The following OSBPL8 variants were observed in gnomAD, a reference collection of about 807,000 sequenced individuals.
OSBPL8 encodes oxysterol-binding protein-related protein 8.
In OSBPL8, 59 loss-of-function variants were observed where a neutral mutation model predicts 125.5. That is an observed-to-expected ratio of 0.47 (90% CI 0.38 to 0.58). OSBPL8 has a LOEUF of 0.58. Among genes scored for constraint, OSBPL8 ranks in the 20% least tolerant of loss-of-function variants. OSBPL8 has a pLI of 0.00. For missense variants in OSBPL8, 758 were observed against 1,047.8 expected (o/e 0.72, Z 3.82); for synonymous variants, 330 against 338.9 (o/e 0.97, Z 0.29).
At chr12:76,508,772 C>CAGCTTTG in intron 1 of OSBPL8, among the ~76,000 whole-genome samples, 1 of 152,158 alleles carries the variant, frequency 6.6e-6, no homozygotes, top group Non-Finnish European at 1.5e-5. Context: ...TTTACAAATG[C>CAGCTTTG]CACGGCAACA....
At chr12:76,557,380 G>T (rs1047748820) in intron 1 of OSBPL8, among the ~76,000 whole-genome samples, 9 of 152,126 alleles carry the variant, frequency 5.9e-5, no homozygotes, top group African/African-American at 2.2e-4. Flanking sequence ...ACTTTGGGAG[G>T]CTGAGGCGGG....
chr12:76,530,946 A>G (rs1382749625), intron 1 of OSBPL8, among the ~76,000 whole-genome samples: 1 of 152,246 alleles, frequency 6.6e-6, no homozygotes, highest in African/African-American at 2.4e-5. Flanking sequence ...CCAACTATAG[A>G]CATAATAAAT....
chr12:76,357,855 G>GTT (rs888289631), intron 22 of OSBPL8, among the ~76,000 whole-genome samples: 28 of 142,704 alleles, frequency 2.0e-4, no homozygotes, highest in African/African-American at 4.9e-4. Flanking sequence ...ATGGCTTAAA[G>GTT]TTTTTTTTTT....
intron 21 of OSBPL8, among the ~76,000 whole-genome samples, chr12:76,367,622 TTTTG>T (rs1952470033): frequency 6.6e-6 from 1 of 152,196 alleles, no homozygotes; most frequent in Admixed American, 6.5e-5. Context: ...CATATACGTT[TTTTG>T]TTTCTTATTT....
At chr12:76,525,732 T>C (rs1399461867) in intron 1 of OSBPL8, among the ~76,000 whole-genome samples, 4 of 151,928 alleles carry the variant, frequency 2.6e-5, no homozygotes, top group African/African-American at 9.7e-5. Context: ...TGAGGGAGTA[T>C]AAAAAATAAA....
intron 1 of OSBPL8, among the ~76,000 whole-genome samples, chr12:76,523,616 G>C (rs1353394369): frequency 6.6e-6 from 1 of 152,094 alleles, no homozygotes; most frequent in Non-Finnish European, 1.5e-5. Context: ...CTTATAAGAA[G>C]AGATACAAGA....
intron 2 of OSBPL8, among the ~76,000 whole-genome samples, chr12:76,470,149 T>C (rs1875955100): frequency 6.6e-6 from 1 of 152,238 alleles, no homozygotes; most frequent in South Asian, 2.1e-4. Flanking sequence ...GGTCTTCACA[T>C]ACAAGAGAAG....
At chr12:76,485,933 TAA>T (rs141006437) in intron 2 of OSBPL8, 1 of 322,772 alleles carries the variant, frequency 3.1e-6, no homozygotes, top group Non-Finnish European at 6.1e-6. Flanking sequence ...CCATTAGATA[TAA>T]AAAAAGGTAA....
intron 1 of OSBPL8, among the ~76,000 whole-genome samples, chr12:76,496,544 A>AT (rs111991150): frequency 0.023 from 3,251 of 139,690 alleles, 54 homozygotes; most frequent in African/African-American, 0.055. Flanking sequence ...TGGCTAATAC[A>AT]TTTTTTTTTT....
intron 21 of OSBPL8, among the ~76,000 whole-genome samples, chr12:76,364,196 C>T (rs1275219249): frequency 6.6e-6 from 1 of 152,176 alleles, no homozygotes. Context: ...AAGACACATG[C>T]ACACGTATGT....
chr12:76,539,447 A>C (rs957424710), intron 1 of OSBPL8, among the ~76,000 whole-genome samples: 8 of 152,216 alleles, frequency 5.3e-5, no homozygotes, highest in South Asian at 2.1e-4. Flanking sequence ...TGTACTAAGA[A>C]GACTATGGAC....
intron 4 of OSBPL8, among the ~76,000 whole-genome samples, chr12:76,412,668 A>G (rs1165365542): frequency 6.6e-6 from 1 of 152,190 alleles, no homozygotes; most frequent in Non-Finnish European, 1.5e-5. Flanking sequence ...ACACTATGCT[A>G]TAGGTTTCAT....
At chr12:76,362,950 A>C (rs1479276616) in intron 21 of OSBPL8, among the ~76,000 whole-genome samples, 1 of 152,216 alleles carries the variant, frequency 6.6e-6, no homozygotes, top group Admixed American at 6.5e-5. Flanking sequence ...AAGAGAATAA[A>C]ATACCTGGGA....
chr12:76,408,500 T>C (rs1954374357), intron 5 of OSBPL8, among the ~76,000 whole-genome samples: 1 of 151,110 alleles, frequency 6.6e-6, no homozygotes, highest in Admixed American at 6.6e-5. Flanking sequence ...ATTAATATCA[T>C]TGTAACTAGC....
chr12:76,442,675 T>C (rs1872323441), intron 4 of OSBPL8, among the ~76,000 whole-genome samples: 1 of 152,150 alleles, frequency 6.6e-6, no homozygotes. Context: ...AAATATAACA[T>C]ATTCAAGAAC....
chr12:76,438,450 T>C (rs543457170), intron 4 of OSBPL8, among the ~76,000 whole-genome samples: 2 of 152,192 alleles, frequency 1.3e-5, no homozygotes, highest in Non-Finnish European at 2.9e-5. Context: ...ACTACAGGTG[T>C]GTGCCACCAT....
intron 1 of OSBPL8, among the ~76,000 whole-genome samples, chr12:76,491,525 AAT>A (rs1220922560): frequency 1.3e-5 from 2 of 152,246 alleles, no homozygotes; most frequent in Non-Finnish European, 2.9e-5. Flanking sequence ...TGATATAATC[AAT>A]AGAGTAGCCC....
At chr12:76,425,104 C>T (rs1177148211) in intron 4 of OSBPL8, among the ~76,000 whole-genome samples, 1 of 152,122 alleles carries the variant, frequency 6.6e-6, no homozygotes, top group Non-Finnish European at 1.5e-5. Flanking sequence ...ATACTGGAAG[C>T]AGGCCAAAAA....
chr12:76,456,669 C>A (rs966723056), intron 3 of OSBPL8, among the ~76,000 whole-genome samples: 1 of 151,946 alleles, frequency 6.6e-6, no homozygotes, highest in African/African-American at 2.4e-5. Flanking sequence ...CTACTGTTTG[C>A]TGTTGACTGG....
Sources: allele counts gnomAD v4.1 joint callset (sites outside exome capture counted in the v4.1 genomes callset), GRCh38; gene constraint gnomAD v4.1.1; transcripts MANE v1.5; gene names NCBI Gene and HGNC (gene_info 2026-07-23, HGNC 2026-07-21).